The following PPP1R9A variants were observed in gnomAD, a reference collection of about 807,000 sequenced individuals.
The protein encoded by PPP1R9A is neurabin-1.
In PPP1R9A, 59 loss-of-function variants were observed where a neutral mutation model predicts 141.9. The ratio of observed to expected loss-of-function variants is 0.42; its 90% CI spans 0.34 to 0.52. PPP1R9A has a LOEUF of 0.52. Among genes scored for constraint, PPP1R9A ranks in the 20% least tolerant of loss-of-function variants. The pLI is 0.10. For synonymous variants in PPP1R9A, 500 were observed against 569.7 expected (o/e 0.88, Z 1.74); for missense variants, 1,444 against 1,611.9 (o/e 0.90, Z 1.78).
intron 2 of PPP1R9A, among the ~76,000 whole-genome samples, chr7:94,929,286 C>T (rs1793868759): frequency 6.6e-6 from 1 of 152,122 alleles, no homozygotes; most frequent in East Asian, 1.9e-4. Context: ...ACACGTAAGT[C>T]ACAATGTACT....
Position 94,999,342 on chromosome 7 carries a change from A to G in PPP1R9A, c.1395+87834A>G, listed in dbSNP as rs188615753. Among the ~76,000 whole-genome samples the G allele has an allele frequency of 3.3e-5, 5 of 152,290 alleles. No homozygotes were observed. The East Asian group carries it at 5.8e-4, about 18-fold the overall frequency. On this transcript the variant is annotated intron_variant, in intron 2 of 19. Transcript: ENST00000433360. ...CTGTCCTGTGTTCAGTCACTGCTTCATCAGTATGGCCTATGGTATAGAAAT... is the reference window on the plus strand; with the variant it reads ...CTGTCCTGTGTTCAGTCACTGCTTCGTCAGTATGGCCTATGGTATAGAAAT...
chr7:95,124,681 TTTTCTAGC>T (rs143480057), intron 4 of PPP1R9A, among the ~76,000 whole-genome samples: 5,346 of 152,220 alleles, frequency 0.035, 285 homozygotes, highest in African/African-American at 0.12. Context: ...TGTATTATTG[TTTTCTAGC>T]TTTCTAGCTT....
chr7:94,987,303 G>T (rs948848539), intron 2 of PPP1R9A, among the ~76,000 whole-genome samples: 5 of 152,174 alleles, frequency 3.3e-5, no homozygotes, highest in Admixed American at 6.6e-5. Context: ...TTATTTAAAA[G>T]AAAAAATTGT....
At chr7:95,057,516 G>A (rs975246799) in intron 2 of PPP1R9A, among the ~76,000 whole-genome samples, 21 of 152,184 alleles carry the variant, frequency 1.4e-4, no homozygotes, top group African/African-American at 5.1e-4. Flanking sequence ...ATGGTAGAGA[G>A]ATTTAATTTG....
At chr7:95,181,596 A>G (rs1244154476) in intron 5 of PPP1R9A, among the ~76,000 whole-genome samples, 3 of 140,472 alleles carry the variant, frequency 2.1e-5, no homozygotes, top group African/African-American at 7.8e-5. Flanking sequence ...TATATAGAAT[A>G]TATATATTCT....
rs181003003 is a variant in PPP1R9A, at chr7:95,167,025, T to G, written c.1754+5054T>G. Among the ~76,000 whole-genome samples the G allele has an allele frequency of 1.2e-4, 19 of 152,274 alleles. No homozygotes were observed. The East Asian group carries it at 2.7e-3, about 22-fold the overall frequency. ...GAAGGAAAAAACCTGTATTAGTCCATTTTCATGCTGCTGCTGAAGACATAC... is the reference window on the plus strand; with the variant it reads ...GAAGGAAAAAACCTGTATTAGTCCAGTTTCATGCTGCTGCTGAAGACATAC... On this transcript the variant is annotated intron_variant, in intron 5 of 19. Coordinates refer to ENST00000433360, the MANE Select transcript of PPP1R9A (RefSeq NM_001166160.2).
intron 2 of PPP1R9A, among the ~76,000 whole-genome samples, chr7:94,932,928 A>C (rs769461021): frequency 1.3e-5 from 2 of 152,076 alleles, no homozygotes; most frequent in African/African-American, 2.4e-5. Context: ...AATGTGACTA[A>C]AGATGTGACT....
intron 2 of PPP1R9A, among the ~76,000 whole-genome samples, chr7:95,010,623 A>C (rs1188968744): frequency 2.0e-5 from 3 of 152,220 alleles, no homozygotes; most frequent in East Asian, 3.9e-4. Flanking sequence ...CAATATTGAA[A>C]ATGTATGTTA....
At chr7:95,225,810 T>C (rs770615628) in intron 7 of PPP1R9A, 151 bp from the exon 8 acceptor site, 1 of 674,798 alleles carries the variant, frequency 1.5e-6, no homozygotes, top group Non-Finnish European at 2.4e-6. Context: ...GTTTATAACA[T>C]TGGCTGCATG....
intron 2 of PPP1R9A, among the ~76,000 whole-genome samples, chr7:94,986,324 A>G (rs1800827230): frequency 6.6e-6 from 1 of 152,194 alleles, no homozygotes; most frequent in Non-Finnish European, 1.5e-5. Context: ...ACATTCAGAA[A>G]TAGATTCATG....
Position 95,259,735 on chromosome 7 carries a change from TA to T in PPP1R9A, c.2665+7606del, listed in dbSNP as rs145541814. ...AGGCATGATTAAAGCCAGAATTTAT[TA>T]GATGGAAAGTCATTAAAAGAAAAGT... On this transcript the variant is annotated intron_variant, in intron 12 of 19. Transcript: ENST00000433360. 2.1e-4 allele frequency among the ~76,000 whole-genome samples: 32 copies of T among 152,214 alleles called. 1 individual carries two copies. Among genetic ancestry groups the T allele is most frequent in the African/African-American group, 7.7e-4 (32 of 41,548 alleles).
At chr7:94,929,931 A>G (rs972095757) in intron 2 of PPP1R9A, among the ~76,000 whole-genome samples, 6 of 152,150 alleles carry the variant, frequency 3.9e-5, no homozygotes, top group Admixed American at 1.3e-4. Context: ...ATATGTGACT[A>G]TTTTTTATTT....
At chr7:95,230,404 C>T (rs1795757290) in intron 8 of PPP1R9A, among the ~76,000 whole-genome samples, 2 of 151,842 alleles carry the variant, frequency 1.3e-5, no homozygotes, top group African/African-American at 4.8e-5. Flanking sequence ...AACTTAAAGA[C>T]ATCAAAAACA....
rs545880573 is a variant in PPP1R9A at position 95,143,702 on chromosome 7, C to G, written c.1650-18165C>G. On this transcript the variant is annotated intron_variant, in intron 4 of 19. Transcript: ENST00000433360. ...TCTTGGCTTAGTAGGAGGCTAAGAG[C>G]TAATACATTATTACCTGGGCTGGTA... Among the ~76,000 whole-genome samples, 80 of 152,258 alleles carry G rather than the reference C, an allele frequency of 5.3e-4. 1 individual carries two copies. Among genetic ancestry groups the G allele is most frequent in the South Asian group, 1.0e-3 (5 of 4,822 alleles).
At chr7:94,979,316 G>T (rs1037292991) in intron 2 of PPP1R9A, among the ~76,000 whole-genome samples, 15 of 152,134 alleles carry the variant, frequency 9.9e-5, no homozygotes, top group Admixed American at 7.9e-4. Context: ...TTTATTAATA[G>T]CCAGGTATAT....
chr7:95,197,870 A>C (rs1033384174), intron 5 of PPP1R9A, among the ~76,000 whole-genome samples: 1 of 150,764 alleles, frequency 6.6e-6, no homozygotes, highest in Non-Finnish European at 1.5e-5. Flanking sequence ...GCTGCTCTCG[A>C]ACTCCGGGCC....
At chr7:95,082,174 CTG>C (rs1270139356) in intron 2 of PPP1R9A, among the ~76,000 whole-genome samples, 1 of 152,148 alleles carries the variant, frequency 6.6e-6, no homozygotes, top group African/African-American at 2.4e-5. Context: ...TACGTTTCTG[CTG>C]TCTTACTAGT....
At chr7:95,259,294 T>C (rs1800073234) in intron 12 of PPP1R9A, among the ~76,000 whole-genome samples, 1 of 151,818 alleles carries the variant, frequency 6.6e-6, no homozygotes, top group South Asian at 2.1e-4. Flanking sequence ...TGTCTTTTTT[T>C]TTTTCTTTCT....
chr7:95,266,516 G>T (rs1443064472), intron 12 of PPP1R9A, among the ~76,000 whole-genome samples: 1 of 151,966 alleles, frequency 6.6e-6, no homozygotes, highest in Non-Finnish European at 1.5e-5. Flanking sequence ...AATCATAGTG[G>T]ATAGCCTAGT....
Sources: gnomAD v4.1 joint callset for allele counts (sites outside exome capture counted in the v4.1 genomes callset) on GRCh38, gnomAD v4.1.1 for gene constraint, MANE v1.5 for transcripts, NCBI Gene and HGNC (gene_info 2026-07-23, HGNC 2026-07-21) for gene names.